The following LIFR variants were observed in gnomAD, a reference collection of about 807,000 sequenced individuals.
The protein encoded by LIFR is LIF receptor subunit alpha.
Under a neutral mutation model 122.2 loss-of-function variants are expected in LIFR, and 84 were observed. The ratio of observed to expected loss-of-function variants is 0.69; its 90% confidence interval spans 0.58 to 0.82. The LOEUF is 0.82. Ranked by LOEUF, LIFR falls within the 40% of genes least tolerant of loss-of-function variation. The pLI, the probability that LIFR is intolerant of heterozygous loss-of-function variation, is 0.00. For synonymous variants in LIFR, 422 were observed against 434.7 expected, an observed-to-expected ratio of 0.97 and a Z score of 0.36; for missense variants, 1,294 against 1,311.6, an observed-to-expected ratio of 0.99 and a Z score of 0.21.
intron 17 of LIFR, chr5:38,485,533 T>C (rs1477811048): frequency 2.2e-6 from 1 of 444,552 alleles, no homozygotes; most frequent in Non-Finnish European, 4.1e-6. Flanking sequence ...TTTTTAAATG[T>C]TGACCGTTAG....
At chr5:38,499,185 A>G (rs1441311696) in intron 12 of LIFR, among the ~76,000 whole-genome samples, 1 of 152,166 alleles carries the variant, frequency 6.6e-6, no homozygotes, top group Non-Finnish European at 1.5e-5. Flanking sequence ...TATTAATAGA[A>G]AAAAATATAA....
intron 5 of LIFR, among the ~76,000 whole-genome samples, chr5:38,522,674 T>C (rs1171238580): frequency 6.6e-6 from 1 of 152,212 alleles, no homozygotes; most frequent in East Asian, 1.9e-4. Context: ...ATTGTTATTT[T>C]AGGAATGAAA....
intron 1 of LIFR, among the ~76,000 whole-genome samples, chr5:38,540,520 A>G (rs1224667600): frequency 6.6e-6 from 1 of 152,174 alleles, no homozygotes; most frequent in Non-Finnish European, 1.5e-5. Flanking sequence ...CTCTCAACTC[A>G]GCAGGTGCAA....
At chr5:38,598,241 A>C (rs796214334), upstream of LIFR, among the ~76,000 whole-genome samples, 1 of 36,686 alleles carries the variant, frequency 2.7e-5, no homozygotes, top group Non-Finnish European at 6.3e-5. Flanking sequence ...TTATTTATTT[A>C]TTTATTTTTT....
At chr5:38,511,469 T>C (rs2112497034) in intron 6 of LIFR, among the ~76,000 whole-genome samples, 1 of 151,548 alleles carries the variant, frequency 6.6e-6, no homozygotes, top group Admixed American at 6.6e-5. Context: ...TTGGGAACTG[T>C]TTTGTTTTTT....
chr5:38,548,139 T>G (rs1747999752), intron 1 of LIFR, among the ~76,000 whole-genome samples: 1 of 151,970 alleles, frequency 6.6e-6, no homozygotes, highest in South Asian at 2.1e-4. Flanking sequence ...GAGCTCATTT[T>G]CAATAATTTT....
At chr5:38,581,383 T>C (rs10060907) in intron 1 of LIFR, among the ~76,000 whole-genome samples, 14,395 of 152,070 alleles carry the variant, frequency 0.095, 2,283 homozygotes, top group African/African-American at 0.33. Flanking sequence ...AAACGCGGAG[T>C]CTACACTCTC....
intron 5 of LIFR, among the ~76,000 whole-genome samples, chr5:38,517,018 G>T (rs1196171243): frequency 6.6e-6 from 1 of 151,976 alleles, no homozygotes; most frequent in Non-Finnish European, 1.5e-5. Flanking sequence ...GAGAACACAC[G>T]GACACAGGGA....
chr5:38,511,779 T>C lies in LIFR; in HGVS notation c.736+11A>G, dbSNP rs774029836. On this transcript the variant is annotated intron_variant, in intron 6 of 19. Coordinates refer to ENST00000453190, the MANE Select transcript of LIFR (RefSeq NM_001127671.2). ...TCATCTGAAACAAACATTCTTTAAA[T>C]ATAAGCTTACAAGAAATGTTCTTCA... The C allele has an allele frequency of 9.9e-6, 16 of 1,611,418 alleles. No individual in the cohort carries two copies. The Admixed American group carries it at 2.7e-4, about 27-fold the overall frequency.
At chr5:38,510,768 A>C in intron 6 of LIFR, 50 bp from the exon 7 acceptor site, 2 of 1,506,548 alleles carry the variant, frequency 1.3e-6, no homozygotes, top group Non-Finnish European at 1.8e-6. Context: ...AGTATTTTAC[A>C]TAAACTTTTC....
intron 1 of LIFR, among the ~76,000 whole-genome samples, chr5:38,566,585 AAC>A (rs1749032187): frequency 6.6e-6 from 1 of 152,246 alleles, no homozygotes; most frequent in Admixed American, 6.5e-5. Context: ...AAGGTTGGAT[AAC>A]ACTGAGTTAA....
At chr5:38,565,396 G>A (rs140659920) in intron 1 of LIFR, among the ~76,000 whole-genome samples, 18 of 152,180 alleles carry the variant, frequency 1.2e-4, no homozygotes, top group African/African-American at 4.3e-4. Flanking sequence ...AAAAAGGGAA[G>A]GGAGAAAGGC....
intron 1 of LIFR, among the ~76,000 whole-genome samples, chr5:38,547,989 T>C (rs996701606): frequency 6.6e-6 from 1 of 152,176 alleles, no homozygotes; most frequent in Non-Finnish European, 1.5e-5. Context: ...ATCATATATA[T>C]GGTCTGTTAC....
At chr5:38,550,307 A>C (rs1748134057) in intron 1 of LIFR, 9 of 816,916 alleles carry the variant, frequency 1.1e-5, no homozygotes, top group South Asian at 1.1e-4. Context: ...TGAAAAAAAA[A>C]CAGGGAAAAA....
At chr5:38,563,175 G>A (rs1405994356) in intron 1 of LIFR, among the ~76,000 whole-genome samples, 1 of 152,118 alleles carries the variant, frequency 6.6e-6, no homozygotes, top group African/African-American at 2.4e-5. Context: ...TGTGTTTCAG[G>A]CTATTTTGTT....
At chr5:38,552,013 ACT>A (rs944988764) in intron 1 of LIFR, among the ~76,000 whole-genome samples, 1 of 152,124 alleles carries the variant, frequency 6.6e-6, no homozygotes, top group Non-Finnish European at 1.5e-5. Flanking sequence ...AGGTGTTTCT[ACT>A]CTTTTACTGA....
Position 38,527,168 on chromosome 5 carries a change from A to G in LIFR, c.384T>C (p.Asn128=). 2 of 1,593,900 alleles carry G rather than the reference A, an allele frequency of 1.3e-6. No homozygotes were observed. Among genetic ancestry groups the G allele is most frequent in the Non-Finnish European group, 1.7e-6 (2 of 1,163,726 alleles). The change falls in exon 4 of 20, where the codon AAT becomes AAC. Residue 128 remains asparagine, a synonymous_variant. Coordinates refer to ENST00000453190, the MANE Select transcript of LIFR (RefSeq NM_001127671.2). The part of the protein sequence containing the change: ...FGSSTSKFTL[N]EQNVSLIPDT... ...TCAAATACTTACAAACGTTTTGTTCATTTAGTGTGAATTTACTTGTAGAAC... is the reference window on the plus strand; with the variant it reads ...TCAAATACTTACAAACGTTTTGTTCGTTTAGTGTGAATTTACTTGTAGAAC...
At chr5:38,577,855 A>G (rs949365112) in intron 1 of LIFR, among the ~76,000 whole-genome samples, 63 of 152,386 alleles carry the variant, frequency 4.1e-4, no homozygotes, top group African/African-American at 1.5e-3. Flanking sequence ...GCATGAAAGT[A>G]TCATTTGTGC....
chr5:38,553,624 A>ATATATATATATATATATATATAAAAC (rs1748328630), intron 1 of LIFR, among the ~76,000 whole-genome samples: 1 of 12,942 alleles, frequency 7.7e-5, no homozygotes, highest in East Asian at 3.6e-3. Context: ...CATTTAAACT[A>ATATATATATATATATATATATAAAAC]TATATATATA....
Sources: gnomAD v4.1 joint callset for allele counts (sites outside exome capture counted in the v4.1 genomes callset) on GRCh38, gnomAD v4.1.1 for gene constraint, MANE v1.5 for transcripts, NCBI Gene and HGNC (gene_info 2026-07-23, HGNC 2026-07-21) for gene names.